RGS6: variants seen among roughly 807,000 people sequenced by gnomAD.
The protein encoded by RGS6 is regulator of G-protein signaling 6.
RGS6 carries 30 observed loss-of-function variants against 78.5 expected under a neutral mutation model. The observed-to-expected ratio is 0.38, with a 90% CI of 0.29 to 0.52. RGS6 has a LOEUF of 0.52. Ranked by LOEUF, RGS6 falls within the 20% of genes least tolerant of loss-of-function variation. The pLI is 0.85. For synonymous variants in RGS6, 206 were observed against 206.0 expected, an observed-to-expected ratio of 1.00 and a Z score of 0.00; for missense variants, 495 against 609.7, an observed-to-expected ratio of 0.81 and a Z score of 1.98.
intron 3 of RGS6, among the ~76,000 whole-genome samples, chr14:72,417,626 G>T (rs562349367): frequency 6.6e-6 from 1 of 152,306 alleles, no homozygotes; most frequent in South Asian, 2.1e-4. Flanking sequence ...TCTGGGTTCC[G>T]CACTCATTAG....
intron 2 of RGS6, among the ~76,000 whole-genome samples, chr14:72,318,972 A>AT (rs2071094455): frequency 6.6e-6 from 1 of 152,038 alleles, no homozygotes; most frequent in African/African-American, 2.4e-5. Context: ...AATCAGGTAA[A>AT]TTTTTACCAA....
the RGS6 span, among the ~76,000 whole-genome samples, chr14:72,617,571 G>T: frequency 6.6e-6 from 1 of 152,176 alleles, no homozygotes; most frequent in Non-Finnish European, 1.5e-5. Context: ...TTCCCTCTGA[G>T]GCCACAGGCC....
intron 2 of RGS6, among the ~76,000 whole-genome samples, chr14:72,166,972 A>G (rs2096936711): frequency 6.6e-6 from 1 of 152,210 alleles, no homozygotes; most frequent in African/African-American, 2.4e-5. Flanking sequence ...TATTGTTTTA[A>G]ATATTGGGCA....
chr14:72,220,080 A>G (rs1171685743), intron 2 of RGS6, among the ~76,000 whole-genome samples: 1 of 152,196 alleles, frequency 6.6e-6, no homozygotes, highest in Non-Finnish European at 1.5e-5. Flanking sequence ...TAGCATTCCT[A>G]TATAACAACA....
At chr14:71,970,290 T>G (rs943462725) in intron 2 of RGS6, among the ~76,000 whole-genome samples, 1 of 152,178 alleles carries the variant, frequency 6.6e-6, no homozygotes, top group Non-Finnish European at 1.5e-5. Flanking sequence ...TTGCCTAGCC[T>G]CGTCACTGAT....
intron 15 of RGS6, among the ~76,000 whole-genome samples, chr14:72,525,385 G>A (rs982628457): frequency 6.6e-6 from 1 of 152,176 alleles, no homozygotes; most frequent in Admixed American, 6.5e-5. Context: ...CCCTGGGTCT[G>A]ACTTACCACA....
chr14:72,586,841 C>G, the RGS6 span, among the ~76,000 whole-genome samples: 1 of 151,960 alleles, frequency 6.6e-6, no homozygotes, highest in Non-Finnish European at 1.5e-5. Context: ...TTTGCAGGGC[C>G]TGGTGCATAA....
At chr14:72,080,090 T>C (rs926542836) in intron 2 of RGS6, among the ~76,000 whole-genome samples, 1 of 152,170 alleles carries the variant, frequency 6.6e-6, no homozygotes, top group Non-Finnish European at 1.5e-5. Flanking sequence ...GTTCTGTTTC[T>C]CATTTTTTGA....
intron 2 of RGS6, among the ~76,000 whole-genome samples, chr14:72,112,586 A>T (rs2095793812): frequency 6.6e-6 from 1 of 152,192 alleles, no homozygotes; most frequent in African/African-American, 2.4e-5. Flanking sequence ...TACAATAAGA[A>T]TCGTTTATTT....
chr14:72,052,561 G>A (rs1437918709), intron 2 of RGS6, among the ~76,000 whole-genome samples: 3 of 152,192 alleles, frequency 2.0e-5, no homozygotes, highest in Non-Finnish European at 2.9e-5. Flanking sequence ...AAACAGGGCA[G>A]ACCAGCAGTC....
At chr14:72,070,112 T>C (rs1274835752) in intron 2 of RGS6, among the ~76,000 whole-genome samples, 1 of 152,164 alleles carries the variant, frequency 6.6e-6, no homozygotes, top group Non-Finnish European at 1.5e-5. Context: ...ATTTGCTGGC[T>C]GTCATTCATT....
intron 2 of RGS6, among the ~76,000 whole-genome samples, chr14:72,001,062 G>T (rs940834051): frequency 6.6e-6 from 1 of 152,160 alleles, no homozygotes; most frequent in East Asian, 1.9e-4. Flanking sequence ...TTCGGTTTTT[G>T]GTCAGTTGTT....
At chr14:72,461,532 A>G (rs2095782178) in intron 6 of RGS6, among the ~76,000 whole-genome samples, 1 of 152,184 alleles carries the variant, frequency 6.6e-6, no homozygotes, top group African/African-American at 2.4e-5. Flanking sequence ...AGGATGCACA[A>G]GTGTTCACCA....
chr14:72,202,277 C>T (rs958775424), intron 2 of RGS6, among the ~76,000 whole-genome samples: 3 of 152,192 alleles, frequency 2.0e-5, no homozygotes, highest in African/African-American at 7.2e-5. Flanking sequence ...CCCTACTGCA[C>T]AGTTAGAAGA....
intron 2 of RGS6, among the ~76,000 whole-genome samples, chr14:72,291,713 T>C (rs1007626774): frequency 6.6e-6 from 1 of 152,110 alleles, no homozygotes; most frequent in African/African-American, 2.4e-5. Flanking sequence ...CTGGCTAAAA[T>C]CATGCTCAAA....
chr14:72,257,433 C>G (rs1038473306), intron 2 of RGS6, among the ~76,000 whole-genome samples: 1 of 152,124 alleles, frequency 6.6e-6, no homozygotes, highest in Non-Finnish European at 1.5e-5. Flanking sequence ...GTCTAGGAGT[C>G]TTTTGCAGGA....
chr14:72,518,372 T>C lies in RGS6; in HGVS notation c.1113T>C (p.Asp371=), dbSNP rs1435425498. ...ENLRFWLAVQ[D]LKKQPLQDVA... is the part of the protein sequence containing the mutation. ...TCAGGTTCTGGCTGGCTGTCCAAGA[T>C]CTTAAGAAACAACCCCTACAGGATG... Residue 371 remains aspartate (D), a synonymous_variant, in exon 15 of 18, where the codon GAT becomes GAC. Coordinates refer to ENST00000553525, the MANE Select transcript of RGS6 (RefSeq NM_001204424.2). 1.2e-6 allele frequency: 2 copies of C among 1,613,912 alleles called. No individual in the cohort carries two copies. Among genetic ancestry groups the C allele is most frequent in the Admixed American group, 3.3e-5 (2 of 60,020 alleles).
intron 2 of RGS6, among the ~76,000 whole-genome samples, chr14:72,156,514 G>A (rs2096774353): frequency 6.6e-6 from 1 of 150,574 alleles, no homozygotes; most frequent in African/African-American, 2.4e-5. Context: ...AAACAGAGTT[G>A]TGATACATGT....
intron 2 of RGS6, among the ~76,000 whole-genome samples, chr14:72,123,087 C>T (rs1219431102): frequency 1.3e-5 from 2 of 152,164 alleles, no homozygotes; most frequent in African/African-American, 4.8e-5. Context: ...ATGCCTCAGC[C>T]TCCCAGGTAG....
Sources: allele counts gnomAD v4.1 joint callset (sites outside exome capture counted in the v4.1 genomes callset), GRCh38; gene constraint gnomAD v4.1.1; transcripts MANE v1.5; gene names NCBI Gene and HGNC (gene_info 2026-07-23, HGNC 2026-07-21).